GPC5: variants seen among roughly 807,000 people sequenced by gnomAD.
GPC5 encodes the protein glypican 5.
A neutral mutation model predicts 53.9 loss-of-function variants in GPC5; 47 were observed. The observed-to-expected ratio is 0.87, with a 90% CI of 0.69 to 1.11. GPC5 has a LOEUF of 1.11. Ranked by LOEUF, GPC5 falls within the 50% of genes most tolerant of loss-of-function variation. GPC5 has a pLI of 0.00. For synonymous variants in GPC5, 286 were observed against 263.3 expected, an observed-to-expected ratio of 1.09 and a Z score of -0.84; for missense variants, 748 against 713.1, an observed-to-expected ratio of 1.05 and a Z score of -0.56.
chr13:92,829,981 G>A (rs1566436116), intron 7 of GPC5, among the ~76,000 whole-genome samples: 1 of 152,026 alleles, frequency 6.6e-6, no homozygotes, highest in Non-Finnish European at 1.5e-5. Context: ...GTCAATCCAA[G>A]GTATAAAGAA....
intron 7 of GPC5, among the ~76,000 whole-genome samples, chr13:92,704,994 G>T (rs1887902490): frequency 6.6e-6 from 1 of 151,662 alleles, no homozygotes; most frequent in Non-Finnish European, 1.5e-5. Context: ...TGATCTCGAT[G>T]TGTAGGGTCT....
intron 6 of GPC5, among the ~76,000 whole-genome samples, chr13:91,921,907 G>T (rs141991558): frequency 1.3e-5 from 2 of 152,186 alleles, no homozygotes; most frequent in Non-Finnish European, 2.9e-5. Flanking sequence ...GGAGTTCAAG[G>T]CTGCAGTGAG....
chr13:91,665,709 G>A (rs1195348391), intron 2 of GPC5, among the ~76,000 whole-genome samples: 2 of 152,052 alleles, frequency 1.3e-5, no homozygotes, highest in Non-Finnish European at 2.9e-5. Flanking sequence ...GTTTCACCGT[G>A]TTAGCCAGGA....
At chr13:91,467,233 G>T (rs1882296296) in intron 2 of GPC5, among the ~76,000 whole-genome samples, 1 of 152,124 alleles carries the variant, frequency 6.6e-6, no homozygotes, top group Admixed American at 6.5e-5. Flanking sequence ...TATTGGGGAA[G>T]AAAGTTGGAA....
chr13:92,161,983 A>G (rs1034318417), intron 7 of GPC5, among the ~76,000 whole-genome samples: 1 of 137,086 alleles, frequency 7.3e-6, no homozygotes, highest in Admixed American at 7.6e-5. Context: ...ATATATATAT[A>G]TATATATATA....
chr13:92,523,638 T>A (rs1594274249), intron 7 of GPC5, among the ~76,000 whole-genome samples: 2 of 152,078 alleles, frequency 1.3e-5, no homozygotes, highest in African/African-American at 4.8e-5. Context: ...CTGTTTAACA[T>A]AACAAATGTA....
At chr13:91,575,409 A>G (rs2032095451) in intron 2 of GPC5, among the ~76,000 whole-genome samples, 1 of 152,134 alleles carries the variant, frequency 6.6e-6, no homozygotes, top group Non-Finnish European at 1.5e-5. Flanking sequence ...AAGTCCTAGT[A>G]TTATCCACTT....
chr13:91,691,684 G>A (rs79860403), intron 2 of GPC5, among the ~76,000 whole-genome samples: 2,070 of 152,244 alleles, frequency 0.014, 40 homozygotes, highest in African/African-American at 0.048. Context: ...CAGAATTCAT[G>A]ATATTGCGTT....
At chr13:92,701,774 T>C (rs1300247088) in intron 7 of GPC5, among the ~76,000 whole-genome samples, 1 of 152,116 alleles carries the variant, frequency 6.6e-6, no homozygotes, top group Non-Finnish European at 1.5e-5. Flanking sequence ...CAATCTATTT[T>C]AGAATCGTTG....
intron 7 of GPC5, among the ~76,000 whole-genome samples, chr13:92,780,921 C>A (rs1459406102): frequency 6.6e-6 from 1 of 151,916 alleles, no homozygotes; most frequent in African/African-American, 2.4e-5. Flanking sequence ...TTTTATAAAT[C>A]AGTATCTTCA....
chr13:91,482,348 C>T (rs1883350737), intron 2 of GPC5, among the ~76,000 whole-genome samples: 1 of 152,136 alleles, frequency 6.6e-6, no homozygotes, highest in African/African-American at 2.4e-5. Flanking sequence ...CACCAACCTA[C>T]CAGTGCCTTG....
chr13:92,730,784 AAGT>A (rs1888780616), intron 7 of GPC5, among the ~76,000 whole-genome samples: 1 of 151,416 alleles, frequency 6.6e-6, no homozygotes, highest in African/African-American at 2.4e-5. Context: ...TGGCAAATGC[AAGT>A]AGGTTATCTC....
chr13:92,369,678 C>A (rs766738819), intron 7 of GPC5, among the ~76,000 whole-genome samples: 1 of 152,174 alleles, frequency 6.6e-6, no homozygotes, highest in Non-Finnish European at 1.5e-5. Flanking sequence ...GGTAATGACA[C>A]CAAATCTCAG....
intron 7 of GPC5, among the ~76,000 whole-genome samples, chr13:92,839,346 A>C (rs186213062): frequency 1.2e-3 from 180 of 152,306 alleles, no homozygotes; most frequent in African/African-American, 4.1e-3. Context: ...CAGGTTTGTT[A>C]CATAGGTAAA....
intron 2 of GPC5, among the ~76,000 whole-genome samples, chr13:91,489,520 TAA>T (rs149695712): frequency 0.016 from 2,377 of 152,324 alleles, 30 homozygotes; most frequent in Non-Finnish European, 0.022. Flanking sequence ...TAAATATGGT[TAA>T]GTTAGGTCCA....
At chr13:92,788,248 T>TA (rs1004364540) in intron 7 of GPC5, among the ~76,000 whole-genome samples, 7 of 150,588 alleles carry the variant, frequency 4.6e-5, no homozygotes, top group Admixed American at 1.3e-4. Context: ...GATGATAGTG[T>TA]AAAAAAAAAG....
chr13:91,452,890 A>G (rs1881281582), intron 2 of GPC5, among the ~76,000 whole-genome samples: 1 of 151,944 alleles, frequency 6.6e-6, no homozygotes, highest in Non-Finnish European at 1.5e-5. Context: ...AAAATGTTAT[A>G]TCTTTCCTTA....
At chr13:92,270,468 C>T (rs1270822960) in intron 7 of GPC5, among the ~76,000 whole-genome samples, 3 of 152,116 alleles carry the variant, frequency 2.0e-5, no homozygotes, top group Non-Finnish European at 2.9e-5. Context: ...CACTTTCTGC[C>T]GTGATTGTAA....
intron 7 of GPC5, among the ~76,000 whole-genome samples, chr13:92,738,709 GA>G (rs1468675450): frequency 6.6e-6 from 1 of 152,046 alleles, no homozygotes; most frequent in Non-Finnish European, 1.5e-5. Context: ...CTGTCTCTCA[GA>G]CCAAGCATCA....
Sources: allele counts gnomAD v4.1 joint callset (sites outside exome capture counted in the v4.1 genomes callset), GRCh38; gene constraint gnomAD v4.1.1; transcripts MANE v1.5; gene names NCBI Gene and HGNC (gene_info 2026-07-23, HGNC 2026-07-21).